Variants in MYRFL observed in about 807,000 individuals in gnomAD.
MYRFL encodes the protein myelin regulatory factor-like protein.
A neutral mutation model predicts 109.4 loss-of-function variants in MYRFL; 88 were observed. That is an observed-to-expected ratio of 0.80 (90% CI 0.68 to 0.96). The LOEUF (loss-of-function observed/expected upper bound fraction) is 0.96, where lower values mean the gene tolerates loss of function less well. Among genes scored for constraint, MYRFL ranks in the 40% least tolerant of loss-of-function variants. The probability of loss-of-function intolerance (pLI) is 0.00; values close to 1 mark genes in which losing one functional copy is unlikely to be tolerated. For missense variants in MYRFL, 957 were observed against 954.9 expected, an observed-to-expected ratio of 1.00 and a Z score of -0.03; for synonymous variants, 324 against 320.9, an observed-to-expected ratio of 1.01 and a Z score of -0.10.
chr12:69,851,044 G>A (rs1883848830), intron 1 of MYRFL, among the ~76,000 whole-genome samples: 2 of 151,998 alleles, frequency 1.3e-5, no homozygotes, highest in South Asian at 2.1e-4. Flanking sequence ...ATATTTCATG[G>A]AATGGATCTT....
intron 10 of MYRFL, among the ~76,000 whole-genome samples, chr12:69,899,220 C>T (rs1350384896): frequency 2.1e-5 from 3 of 145,122 alleles, no homozygotes; most frequent in Non-Finnish European, 4.6e-5. Flanking sequence ...AACCATTCAT[C>T]CCCCCACTAG....
chr12:69,955,444 G>A lies in MYRFL; in HGVS notation c.2450+7G>A, dbSNP rs1956071535. 3.3e-6 allele frequency: 2 copies of A among 599,872 alleles called. No homozygotes were observed. Among genetic ancestry groups the A allele is most frequent in the Non-Finnish European group, 5.9e-6 (2 of 339,662 alleles). 37.2% of individuals were successfully genotyped at this position (599,872 alleles called of 1,614,324 possible). A position where few individuals can be genotyped will look rare whatever the true frequency, so the allele number is the denominator to read the frequency against. ...AGTTCTCTCTGGAAATAAAGTAAGT[G>A]CATGGCTGTAAAAAACAATTTCATT... On this transcript the variant is annotated splice_region_variant and intron_variant, in intron 22 of 24. Transcript: ENST00000552032.
At position 69,855,267 on chromosome 12, in the gene MYRFL, T is replaced by C; in HGVS notation, c.47-13T>C. The C allele has an allele frequency of 1.4e-6, 1 of 698,568 alleles. No homozygotes were observed. The highest frequency in any genetic ancestry group is 2.6e-6 in the Non-Finnish European group (1 of 383,546). The allele number at this position is 698,568 out of a possible 1,614,324, so 43.3% of individuals were successfully genotyped here. A position where few individuals can be genotyped will look rare whatever the true frequency, so the allele number is the denominator to read the frequency against. On this transcript the variant is annotated splice_polypyrimidine_tract_variant and intron_variant, in intron 1 of 24. Transcript: ENST00000552032. ...TCTTCATGTTTCTCAAGATTTTCAA[T>C]TTGCCTTTGCAGCTCAGGGAGCCAA... is the stretch of plus-strand genomic sequence containing the variant.
At chr12:69,886,281 C>T (rs1056660904) in intron 5 of MYRFL, among the ~76,000 whole-genome samples, 3 of 152,286 alleles carry the variant, frequency 2.0e-5, no homozygotes, top group African/African-American at 7.2e-5. Flanking sequence ...GTGCTGGCAT[C>T]ATTCCCAGAT....
rs186862480 is a variant in MYRFL at position 69,834,012 on chromosome 12, A to T, written c.46+8449A>T. On this transcript the variant is annotated intron_variant, in intron 1 of 24. Coordinates refer to ENST00000552032, the MANE Select transcript of MYRFL (RefSeq NM_182530.3). ...ATTGAGCAGGCAGCTCCAGAAACTC[A>T]TAATGTAAGTCCACTAATAAGAGTA... Among the ~76,000 whole-genome samples the T allele has an allele frequency of 3.2e-3, 488 of 152,258 alleles. 11 individuals carry two copies. The highest frequency in any genetic ancestry group is 0.03 in the Admixed American group (459 of 15,286).
At chr12:69,841,524 T>C (rs1883240932) in intron 1 of MYRFL, among the ~76,000 whole-genome samples, 1 of 152,204 alleles carries the variant, frequency 6.6e-6, no homozygotes, top group Non-Finnish European at 1.5e-5. Context: ...ATGTTAAATA[T>C]GAAGTTGGAA....
chr12:69,902,890 C>G (rs1954236325), intron 10 of MYRFL, among the ~76,000 whole-genome samples: 1 of 152,202 alleles, frequency 6.6e-6, no homozygotes, highest in African/African-American at 2.4e-5. Context: ...TACTTCTAAG[C>G]AATGCCGTGA....
chr12:69,951,091 A>G (rs1955961863), intron 19 of MYRFL, among the ~76,000 whole-genome samples: 1 of 152,216 alleles, frequency 6.6e-6, no homozygotes, highest in Non-Finnish European at 1.5e-5. Flanking sequence ...GGTGACAGAT[A>G]TATCACTGAT....
chr12:69,949,413 CT>C (rs1255442476), intron 19 of MYRFL, among the ~76,000 whole-genome samples: 3 of 152,106 alleles, frequency 2.0e-5, no homozygotes, highest in Admixed American at 6.6e-5. Context: ...TTTAAAATGC[CT>C]TTTGGGTGAT....
chr12:69,906,487 A>T (rs1748919521), intron 11 of MYRFL, among the ~76,000 whole-genome samples: 1 of 152,200 alleles, frequency 6.6e-6, no homozygotes, highest in Non-Finnish European at 1.5e-5. Context: ...AACATGAGGA[A>T]GTTGAGAGTT....
chr12:69,910,909 G>C lies in MYRFL; in HGVS notation c.1581G>C (p.Glu527Asp), dbSNP rs1188614894. 1 of 1,534,856 alleles carries C rather than the reference G, an allele frequency of 6.5e-7. No individual in the cohort carries two copies. Among genetic ancestry groups the C allele is most frequent in the Non-Finnish European group, 8.7e-7 (1 of 1,145,988 alleles). Residue 527 changes from glutamate to aspartate, a missense_variant, in exon 13 of 25, where the codon GAG becomes GAC. By Grantham distance (45) the Glu-to-Asp change is conservative. Transcript: ENST00000552032. Reference sequence around the variant, plus strand: ...CCTGCGGAAACGGAGAGACCTTGGAGAACTTCCTCATGGTGGATAAGGTAA... The same window carrying C: ...CCTGCGGAAACGGAGAGACCTTGGACAACTTCCTCATGGTGGATAAGGTAA... ...DVTCGNGETL[E>D]NFLMVDKDQI...
intron 1 of MYRFL, among the ~76,000 whole-genome samples, chr12:69,830,397 T>C (rs1882557661): frequency 6.6e-6 from 1 of 150,754 alleles, no homozygotes; most frequent in Admixed American, 6.6e-5. Flanking sequence ...TATACTATTT[T>C]TGGAGGTTTC....
chr12:69,875,802 T>C (rs980811684), intron 2 of MYRFL, among the ~76,000 whole-genome samples: 2 of 152,184 alleles, frequency 1.3e-5, no homozygotes, highest in Non-Finnish European at 2.9e-5. Context: ...ACTACGTCCA[T>C]CTCTTCCATG....
rs147361759 is a variant in MYRFL, at chr12:69,849,890, G to T, written c.47-5390G>T. ...GGATGTTATTTCATCATCTCTCCAT[G>T]AATATCTACAGATAGAAGGATATGT... is the stretch of plus-strand genomic sequence containing the variant. On this transcript the variant is annotated intron_variant, in intron 1 of 24. Coordinates refer to ENST00000552032, the MANE Select transcript of MYRFL (RefSeq NM_182530.3). Among the ~76,000 whole-genome samples the T allele has an allele frequency of 1.9e-4, 29 of 152,304 alleles. No individual in the cohort carries two copies. In the East Asian group the frequency reaches 5.0e-3, roughly 26 times the overall value.
intron 2 of MYRFL, among the ~76,000 whole-genome samples, chr12:69,877,702 A>G (rs1191457663): frequency 6.6e-6 from 1 of 152,194 alleles, no homozygotes; most frequent in Admixed American, 6.5e-5. Context: ...AATAAATTAT[A>G]AAGAACTAAT....
At chr12:69,938,665 T>A (rs181577150) in intron 19 of MYRFL, among the ~76,000 whole-genome samples, 8,388 of 152,064 alleles carry the variant, frequency 0.055, 288 homozygotes, top group Middle Eastern at 0.14. Flanking sequence ...TAAAAAAAAA[T>A]TTTAAATAAA....
In MYRFL at chr12:69,958,801, A is replaced by ATAC; in HGVS notation, c.*273_*275dup. 2.9e-6 allele frequency: 1 copy of ATAC among 339,334 alleles called. No individual in the cohort carries two copies. Among genetic ancestry groups the ATAC allele is most frequent in the Non-Finnish European group, 5.3e-6 (1 of 189,096 alleles). The allele number at this position is 339,334 out of a possible 1,614,324, so 21.0% of individuals were successfully genotyped here. A position where few individuals can be genotyped will look rare whatever the true frequency, so the allele number is the denominator to read the frequency against. On this transcript the variant is annotated 3_prime_UTR_variant, in exon 25 of 25. Transcript: ENST00000552032. ...GCAAACAGTTCTGTTGAATTTAAAAATACTATTATTTCTGGTATTAAGGAA... is the reference window on the plus strand; with the variant it reads ...GCAAACAGTTCTGTTGAATTTAAAAATACTACTATTATTTCTGGTATTAAGGAA...
At chr12:69,944,503 G>T (rs1167017588) in intron 19 of MYRFL, among the ~76,000 whole-genome samples, 1 of 143,886 alleles carries the variant, frequency 6.9e-6, no homozygotes, top group Non-Finnish European at 1.5e-5. Flanking sequence ...ATGGACACAG[G>T]AAGGGGAACA....
At chr12:69,854,173 G>A (rs7961329) in intron 1 of MYRFL, among the ~76,000 whole-genome samples, 3 of 151,996 alleles carry the variant, frequency 2.0e-5, no homozygotes, top group African/African-American at 7.2e-5. Context: ...GGGAAACCCC[G>A]TCTCCACCAA....
Sources: gnomAD v4.1 joint callset for allele counts (sites outside exome capture counted in the v4.1 genomes callset) on GRCh38, gnomAD v4.1.1 for gene constraint, MANE v1.5 for transcripts, NCBI Gene and HGNC (gene_info 2026-07-23, HGNC 2026-07-21) for gene names.